PLCB1: variants seen among roughly 807,000 people sequenced by gnomAD.
PLCB1 encodes phospholipase C beta 1.
In PLCB1, 46 loss-of-function variants were observed where a neutral mutation model predicts 161.8. The ratio of observed to expected loss-of-function variants is 0.28; its 90% CI spans 0.22 to 0.36. The LOEUF (loss-of-function observed/expected upper bound fraction) is 0.36. Ranked by LOEUF, PLCB1 falls within the 10% of genes least tolerant of loss-of-function variation. The pLI, the probability that PLCB1 is intolerant of heterozygous loss-of-function variation, is 1.00. For synonymous variants in PLCB1, 517 were observed against 503.7 expected (o/e 1.03, Z -0.35); for missense variants, 1,016 against 1,472.5 (o/e 0.69, Z 5.07).
chr20:8,517,532 G>A (rs1357619516), intron 3 of PLCB1, among the ~76,000 whole-genome samples: 1 of 152,166 alleles, frequency 6.6e-6, no homozygotes, highest in Non-Finnish European at 1.5e-5. Context: ...AACAGCAACT[G>A]CTAGCAATCA....
At chr20:8,235,808 T>A (rs1980288591) in intron 2 of PLCB1, among the ~76,000 whole-genome samples, 1 of 152,072 alleles carries the variant, frequency 6.6e-6, no homozygotes, top group African/African-American at 2.4e-5. Context: ...AAGTTTTTTA[T>A]GTCCAGTAAT....
At chr20:8,224,278 A>G (rs1979560859) in intron 2 of PLCB1, among the ~76,000 whole-genome samples, 1 of 152,174 alleles carries the variant, frequency 6.6e-6, no homozygotes. Flanking sequence ...ATTAAAAATG[A>G]TCGTATCTAT....
At chr20:8,783,335 G>A (rs772807568) in intron 27 of PLCB1, among the ~76,000 whole-genome samples, 4 of 152,064 alleles carry the variant, frequency 2.6e-5, no homozygotes, top group East Asian at 1.9e-4. Flanking sequence ...ATAAATGATC[G>A]AATGGCTCTT....
chr20:8,214,909 C>T (rs1463462538), intron 2 of PLCB1, among the ~76,000 whole-genome samples: 1 of 151,522 alleles, frequency 6.6e-6, no homozygotes, highest in African/African-American at 2.4e-5. Flanking sequence ...TGAGGTGTGG[C>T]TGTGGAGGGC....
intron 3 of PLCB1, among the ~76,000 whole-genome samples, chr20:8,565,112 A>T (rs1986282799): frequency 6.6e-6 from 1 of 152,224 alleles, no homozygotes; most frequent in Non-Finnish European, 1.5e-5. Context: ...GATAGACTGG[A>T]TAAAGAAAAT....
intron 2 of PLCB1, among the ~76,000 whole-genome samples, chr20:8,244,253 A>T (rs1352279932): frequency 1.3e-5 from 2 of 151,942 alleles, no homozygotes; most frequent in Non-Finnish European, 2.9e-5. Context: ...AAGATAAATG[A>T]TCATATGTGT....
chr20:8,682,220 G>A (rs1217960131), intron 9 of PLCB1, among the ~76,000 whole-genome samples: 1 of 152,190 alleles, frequency 6.6e-6, no homozygotes, highest in East Asian at 1.9e-4. Context: ...ACGTGCCCAG[G>A]CCCAGCTCAG....
intron 2 of PLCB1, among the ~76,000 whole-genome samples, chr20:8,277,439 G>A (rs989289798): frequency 1.3e-5 from 2 of 151,702 alleles, no homozygotes; most frequent in African/African-American, 4.8e-5. Context: ...ATATTTCTTA[G>A]ATATATAAAT....
rs1219817137 is a variant in PLCB1, at chr20:8,625,009, A to C, written c.247-3285A>C. 2.0e-5 allele frequency among the ~76,000 whole-genome samples: 3 copies of C among 152,206 alleles called. No homozygotes were observed. In the East Asian group the frequency reaches 5.8e-4, roughly 29 times the overall value. Reference sequence around the variant, plus strand: ...TTGAGTCTATAAGAAATACTCAGACATAAAGCTCCTTGGTAGAATAGGTTT... The same window carrying C: ...TTGAGTCTATAAGAAATACTCAGACCTAAAGCTCCTTGGTAGAATAGGTTT... On this transcript the variant is annotated intron_variant, in intron 3 of 31. Transcript: ENST00000338037.
chr20:8,240,302 ACACG>A (rs1389517630), intron 2 of PLCB1, among the ~76,000 whole-genome samples: 16 of 150,894 alleles, frequency 1.1e-4, no homozygotes, highest in African/African-American at 2.9e-4. Flanking sequence ...ACACACACAC[ACACG>A]CACACACACA....
At chr20:8,662,435 A>G (rs1989696486) in intron 9 of PLCB1, among the ~76,000 whole-genome samples, 1 of 113,868 alleles carries the variant, frequency 8.8e-6, no homozygotes, top group Admixed American at 1.1e-4. Context: ...TTTATTATAT[A>G]ATTATGTGTT....
chr20:8,701,031 T>C (rs769221938), intron 11 of PLCB1, among the ~76,000 whole-genome samples: 30 of 152,212 alleles, frequency 2.0e-4, no homozygotes, highest in Non-Finnish European at 1.0e-4. Flanking sequence ...CTCAGGGCTG[T>C]GTAAGCACAG....
intron 3 of PLCB1, among the ~76,000 whole-genome samples, chr20:8,408,861 A>C (rs1290990042): frequency 6.6e-6 from 1 of 152,204 alleles, no homozygotes; most frequent in Non-Finnish European, 1.5e-5. Context: ...CAGGACACTT[A>C]AGAAGTCATG....
chr20:8,744,772 A>C (rs1981082353), intron 23 of PLCB1, among the ~76,000 whole-genome samples: 1 of 152,072 alleles, frequency 6.6e-6, no homozygotes. Flanking sequence ...TTCAGAGATC[A>C]TTTCTGTAAT....
Position 8,376,275 on chromosome 20 carries a change from T to C in PLCB1, c.246+4825T>C, listed in dbSNP as rs543810920. Among the ~76,000 whole-genome samples, 5 of 152,364 alleles carry C rather than the reference T, an allele frequency of 3.3e-5. No homozygotes were observed. The East Asian group carries it at 9.6e-4, about 29-fold the overall frequency. On this transcript the variant is annotated intron_variant, in intron 3 of 31. Coordinates refer to ENST00000338037, the MANE Select transcript of PLCB1 (RefSeq NM_015192.4). ...TGGTAAAGGGCAGTTATTTCAGATATGTAGTATTAATTTTAATGTAGATTC... is the reference window on the plus strand; with the variant it reads ...TGGTAAAGGGCAGTTATTTCAGATACGTAGTATTAATTTTAATGTAGATTC...
At chr20:8,342,685 G>A (rs1294254260) in intron 2 of PLCB1, among the ~76,000 whole-genome samples, 2 of 152,174 alleles carry the variant, frequency 1.3e-5, no homozygotes, top group African/African-American at 4.8e-5. Flanking sequence ...AGTCTAACCT[G>A]TTCTCAGCAA....
At chr20:8,455,885 T>C (rs1407145967) in intron 3 of PLCB1, among the ~76,000 whole-genome samples, 1 of 152,158 alleles carries the variant, frequency 6.6e-6, no homozygotes, top group Non-Finnish European at 1.5e-5. Flanking sequence ...TTGTGCTGAG[T>C]ATTAATTCCC....
intron 31 of PLCB1, among the ~76,000 whole-genome samples, chr20:8,829,185 T>C (rs1329662841): frequency 6.6e-6 from 1 of 152,188 alleles, no homozygotes; most frequent in African/African-American, 2.4e-5. Flanking sequence ...ATACATTTCA[T>C]GTAAGCCTCT....
intron 24 of PLCB1, among the ~76,000 whole-genome samples, chr20:8,760,065 T>C (rs773446435): frequency 5.9e-5 from 9 of 151,854 alleles, no homozygotes; most frequent in Non-Finnish European, 8.8e-5. Flanking sequence ...GCCACCATGC[T>C]CCGCTAATTT....
Sources: allele counts gnomAD v4.1 joint callset (sites outside exome capture counted in the v4.1 genomes callset), GRCh38; gene constraint gnomAD v4.1.1; transcripts MANE v1.5; gene names NCBI Gene and HGNC (gene_info 2026-07-23, HGNC 2026-07-21).